Variants in CNTN5 observed in about 807,000 individuals in gnomAD.
CNTN5 encodes contactin-5.
CNTN5 carries 77 observed loss-of-function variants against 129.1 expected under a neutral mutation model. The observed-to-expected ratio is 0.60, with a 90% CI of 0.50 to 0.72. CNTN5 has a LOEUF of 0.72. Ranked by LOEUF, CNTN5 falls within the 30% of genes least tolerant of loss-of-function variation. The pLI, the probability that CNTN5 is intolerant of heterozygous loss-of-function variation, is 0.00. For synonymous variants in CNTN5, 509 were observed against 465.6 expected (o/e 1.09, Z -1.20); for missense variants, 1,478 against 1,328.8 (o/e 1.11, Z -1.75).
intron 2 of CNTN5, among the ~76,000 whole-genome samples, chr11:99,397,043 T>C (rs944855289): frequency 1.3e-5 from 2 of 151,722 alleles, no homozygotes; most frequent in East Asian, 1.9e-4. Flanking sequence ...GATAGGAAGA[T>C]ACAAAGTCAA....
chr11:99,481,426 CAT>C (rs1945597321), intron 2 of CNTN5, among the ~76,000 whole-genome samples: 2 of 152,112 alleles, frequency 1.3e-5, no homozygotes, highest in African/African-American at 4.8e-5. Context: ...TTTCTCCAAT[CAT>C]AGTCCTTTTC....
chr11:100,089,756 G>A (rs1436959570), intron 13 of CNTN5, among the ~76,000 whole-genome samples: 1 of 152,102 alleles, frequency 6.6e-6, no homozygotes, highest in Non-Finnish European at 1.5e-5. Context: ...GGACGTTGAT[G>A]GAGCTGGAAG....
At chr11:99,361,070 G>T (rs530588146) in intron 2 of CNTN5, among the ~76,000 whole-genome samples, 2 of 152,174 alleles carry the variant, frequency 1.3e-5, no homozygotes, top group Non-Finnish European at 2.9e-5. Context: ...TCATAAAAAG[G>T]ATCACCTTTC....
At chr11:99,915,037 A>T in intron 6 of CNTN5, among the ~76,000 whole-genome samples, 2 of 152,194 alleles carry the variant, frequency 1.3e-5, no homozygotes, top group Admixed American at 1.3e-4. Flanking sequence ...ATTAAAATAT[A>T]TTTTAAAAAT....
At chr11:100,171,794 G>A (rs534072236) in intron 13 of CNTN5, among the ~76,000 whole-genome samples, 12 of 151,806 alleles carry the variant, frequency 7.9e-5, no homozygotes, top group Middle Eastern at 3.4e-3. Flanking sequence ...GGAAAACGAA[G>A]GAATGTATTT....
intron 16 of CNTN5, among the ~76,000 whole-genome samples, chr11:100,238,465 G>A (rs1165599443): frequency 6.8e-6 from 1 of 147,256 alleles, no homozygotes; most frequent in Non-Finnish European, 1.5e-5. Context: ...AAGAGAAGAG[G>A]GAAAAGGAGG....
intron 6 of CNTN5, among the ~76,000 whole-genome samples, chr11:99,878,494 A>G (rs756596498): frequency 1.1e-4 from 17 of 152,350 alleles, no homozygotes; most frequent in Non-Finnish European, 2.4e-4. Flanking sequence ...AAAAAAAACT[A>G]CAGGTAAAAT....
At chr11:100,238,117 G>A (rs182016699) in intron 16 of CNTN5, among the ~76,000 whole-genome samples, 1 of 152,174 alleles carries the variant, frequency 6.6e-6, no homozygotes, top group African/African-American at 2.4e-5. Flanking sequence ...GTGGAGAAAA[G>A]GTCTGCTTGT....
chr11:99,408,367 C>CA lies in CNTN5; in HGVS notation c.-71+82899dup, dbSNP rs765731039. 1.7e-3 allele frequency among the ~76,000 whole-genome samples: 116 copies of CA among 67,262 alleles called. 3 individuals carry two copies. In the South Asian group the frequency reaches 0.02, roughly 12 times the overall value. 44.1% of individuals were successfully genotyped at this position (67,262 alleles called of 152,430 possible). On this transcript the variant is annotated intron_variant, in intron 2 of 24. Transcript: ENST00000524871. ...AGCACATGCCACTACACCAGGCTACCAAAAAAAAAAAAAAAAGAAAGAAAG... is the reference window on the plus strand; with the variant it reads ...AGCACATGCCACTACACCAGGCTACCAAAAAAAAAAAAAAAAAGAAAGAAAG...
chr11:100,116,584 A>C (rs1030088516), intron 13 of CNTN5, among the ~76,000 whole-genome samples: 2 of 151,862 alleles, frequency 1.3e-5, no homozygotes, highest in African/African-American at 2.4e-5. Context: ...TTGTTTCCTT[A>C]CCTGTTTTTT....
In CNTN5 at chr11:99,299,288, T is replaced by C. The variant is rs545986693; in HGVS notation, c.-209-26058T>C. Among the ~76,000 whole-genome samples, 30 of 152,164 alleles carry C rather than the reference T, an allele frequency of 2.0e-4. No individual in the cohort carries two copies. The South Asian group carries it at 4.8e-3, about 24-fold the overall frequency. On this transcript the variant is annotated intron_variant, in intron 1 of 24. Transcript: ENST00000524871. ...AAGAACTAAAAGAAATTATGTATTA[T>C]GAATAAAAATAATACATGATAACAG...
intron 2 of CNTN5, among the ~76,000 whole-genome samples, chr11:99,526,649 A>T (rs1947498984): frequency 6.6e-6 from 1 of 152,194 alleles, no homozygotes; most frequent in Non-Finnish European, 1.5e-5. Flanking sequence ...TATTTTTATT[A>T]AGGCAAGTCA....
At chr11:100,166,011 G>T (rs987322314) in intron 13 of CNTN5, among the ~76,000 whole-genome samples, 1 of 151,644 alleles carries the variant, frequency 6.6e-6, no homozygotes, top group Non-Finnish European at 1.5e-5. Context: ...TAAAAGAGTA[G>T]TTTTCTCTGT....
At chr11:99,511,135 A>T (rs1056473665) in intron 2 of CNTN5, among the ~76,000 whole-genome samples, 3 of 152,204 alleles carry the variant, frequency 2.0e-5, no homozygotes, top group Admixed American at 2.0e-4. Flanking sequence ...ATATTTTTGT[A>T]GGGTGTCAAT....
At chr11:99,839,879 A>G (rs1947425497) in intron 4 of CNTN5, among the ~76,000 whole-genome samples, 1 of 152,042 alleles carries the variant, frequency 6.6e-6, no homozygotes, top group Non-Finnish European at 1.5e-5. Context: ...TTTTCTTTTT[A>G]AAGAAAAACA....
intron 13 of CNTN5, among the ~76,000 whole-genome samples, chr11:100,123,162 T>C (rs1490809219): frequency 6.6e-6 from 1 of 152,012 alleles, no homozygotes; most frequent in Non-Finnish European, 1.5e-5. Context: ...CATCTTTGTC[T>C]CATATTTTAG....
intron 3 of CNTN5, among the ~76,000 whole-genome samples, chr11:99,628,700 A>T (rs931663518): frequency 2.6e-5 from 4 of 151,274 alleles, no homozygotes; most frequent in Non-Finnish European, 5.9e-5. Context: ...CAGCTCATAA[A>T]TCTTATAGGT....
chr11:100,050,740 A>G lies in CNTN5; in HGVS notation c.981-10472A>G, dbSNP rs181045823. ...ATGAAGATATATATGTTAAAAGCAG[A>G]AAGATTAAAAACGTGTACCATGCAA... On this transcript the variant is annotated intron_variant, in intron 9 of 24. Transcript: ENST00000524871. Among the ~76,000 whole-genome samples the G allele has an allele frequency of 7.9e-5, 12 of 152,246 alleles. No homozygotes were observed. In the East Asian group the frequency reaches 2.1e-3, roughly 27 times the overall value.
At chr11:99,243,923 G>T (rs1048938692) in intron 1 of CNTN5, among the ~76,000 whole-genome samples, 2 of 151,650 alleles carry the variant, frequency 1.3e-5, no homozygotes, top group Non-Finnish European at 2.9e-5. Flanking sequence ...TATTCTTTTT[G>T]CTAAGGGTCA....
Sources: gnomAD v4.1 joint callset for allele counts (sites outside exome capture counted in the v4.1 genomes callset) on GRCh38, gnomAD v4.1.1 for gene constraint, MANE v1.5 for transcripts, NCBI Gene and HGNC (gene_info 2026-07-23, HGNC 2026-07-21) for gene names.